The following LTBR variants were observed in gnomAD, a reference collection of about 807,000 sequenced individuals.
LTBR encodes lymphotoxin beta receptor, also known as tumor necrosis factor receptor superfamily member 3.
LTBR carries 15 observed loss-of-function variants against 45.4 expected under a neutral mutation model. That is an observed-to-expected ratio of 0.33 (90% CI 0.22 to 0.51). The LOEUF (loss-of-function observed/expected upper bound fraction) is 0.51, where lower values mean the gene tolerates loss of function less well. Among genes scored for constraint, LTBR ranks in the 20% least tolerant of loss-of-function variants. The pLI is 0.97. For synonymous variants in LTBR, 228 were observed against 231.0 expected (o/e 0.99, Z 0.12); for missense variants, 450 against 565.5 (o/e 0.80, Z 2.07).
upstream of LTBR, among the ~76,000 whole-genome samples, chr12:6,379,815 C>T (rs1948963014): frequency 1.3e-5 from 2 of 152,056 alleles, no homozygotes; most frequent in African/African-American, 4.8e-5. Flanking sequence ...CGCCTGTAGT[C>T]CCAGCTACTC....
intron 1 of LTBR, chr12:6,375,708 C>T: frequency 7.0e-7 from 1 of 1,434,416 alleles, no homozygotes. Context: ...AAGGCGGACT[C>T]TGGGCAGGGG....
intron 2 of LTBR, 48 bp from the exon 3 acceptor site, chr12:6,384,974 G>A: frequency 1.2e-6 from 2 of 1,611,984 alleles, no homozygotes; most frequent in Non-Finnish European, 1.7e-6. Context: ...GCGGAGGTGA[G>A]GGTGGAGCCT....
At chr12:6,382,136 C>T (rs1367100701), upstream of LTBR, among the ~76,000 whole-genome samples, 1 of 152,084 alleles carries the variant, frequency 6.6e-6, no homozygotes, top group Non-Finnish European at 1.5e-5. Flanking sequence ...GAAAGGGTCT[C>T]AGCAGCATAA....
chr12:6,382,108 G>C (rs1948990548), upstream of LTBR, among the ~76,000 whole-genome samples: 1 of 152,092 alleles, frequency 6.6e-6, no homozygotes, highest in African/African-American at 2.4e-5. Flanking sequence ...TGTATTATAT[G>C]TTACACCTCT....
upstream of LTBR, chr12:6,375,393 A>AGGGCTCCAGGAGGTCTGGGC: frequency 6.7e-7 from 1 of 1,489,944 alleles, no homozygotes. Flanking sequence ...CCAGGACTGC[A>AGGGCTCCAGGAGGTCTGGGC]GGGCTCCAGG....
At chr12:6,390,050 G>A in intron 8 of LTBR, 62 bp from the exon 9 acceptor site, 3 of 989,174 alleles carry the variant, frequency 3.0e-6, no homozygotes, top group Non-Finnish European at 4.9e-6. Flanking sequence ...AGGGAGGGAG[G>A]GAGAGAGAAA....
rs1592099993 is a variant in LTBR, at chr12:6,386,740, C to T, written c.667+296C>T. The T allele has an allele frequency of 3.2e-6, 1 of 310,832 alleles. No homozygotes were observed. The highest frequency in any genetic ancestry group is 5.9e-5 in the East Asian group (1 of 16,964). 19.3% of individuals were successfully genotyped at this position (310,832 alleles called of 1,614,324 possible). ...TCATTTTGGGCTTACCAACATTACA[C>T]AATCCGTTTTTTTTTTTCACACAAT... On this transcript the variant is annotated intron_variant, in intron 6 of 9. Coordinates refer to ENST00000228918, the MANE Select transcript of LTBR (RefSeq NM_002342.3). The surrounding 1 kb of genome is among the most constrained non-coding windows in gnomAD (Gnocchi z 4.1).
At chr12:6,375,760 C>G in intron 1 of LTBR, 1 of 1,407,532 alleles carries the variant, frequency 7.1e-7, no homozygotes, top group Non-Finnish European at 9.2e-7. Flanking sequence ...GACAGGATGG[C>G]AGGTGAGGGG....
chr12:6,389,967 A>G, intron 8 of LTBR, 145 bp from the exon 9 acceptor site: 3 of 639,294 alleles, frequency 4.7e-6, no homozygotes, highest in Non-Finnish European at 5.5e-6. Context: ...GAAAGAAAGA[A>G]AGAGAGAGAG....
Position 6,390,222 on chromosome 12 carries a change from A to G in LTBR, c.912A>G (p.Val304=). 6.2e-7 allele frequency: 1 copy of G among 1,613,982 alleles called. No individual in the cohort carries two copies. Among genetic ancestry groups the G allele is most frequent in the Non-Finnish European group, 8.5e-7 (1 of 1,179,924 alleles). The change falls in exon 9 of 10, where the codon GTA becomes GTG. Residue 304 remains valine, a synonymous_variant. Coordinates refer to ENST00000228918, the MANE Select transcript of LTBR (RefSeq NM_002342.3). ...CCATTTCTGGAGATGTTTCCCCAGTATCCACTGGGCTCCCCGCAGCCCCAG... is the reference window on the plus strand; with the variant it reads ...CCATTTCTGGAGATGTTTCCCCAGTGTCCACTGGGCTCCCCGCAGCCCCAG... ...LLPISGDVSP[V]STGLPAAPVL...
At position 6,384,776 on chromosome 12, in the gene LTBR, TC is replaced by T. The variant is rs41518946; in HGVS notation, c.193+97del. The T allele has an allele frequency of 1.3e-3, 1,640 of 1,280,726 alleles. 14 individuals carry two copies. In the African/African-American group the frequency reaches 0.022, roughly 17 times the overall value. 79.3% of individuals were successfully genotyped at this position (1,280,726 alleles called of 1,614,324 possible). A position where few individuals can be genotyped will look rare whatever the true frequency, so the allele number is the denominator to read the frequency against. ...GGCCTCAGAGGGAAGGTGGGCACTG[TC>T]CCCCAGGAAAACTGGCTGCTGGAGA... On this transcript the variant is annotated intron_variant, in intron 2 of 9. Transcript: ENST00000228918.
At chr12:6,390,381 G>A in intron 9 of LTBR, 41 bp downstream of exon 9, 1 of 1,512,550 alleles carries the variant, frequency 6.6e-7, no homozygotes, top group East Asian at 2.4e-5. Flanking sequence ...GATGGGGAGG[G>A]AGGGATGGCT....
upstream of LTBR, chr12:6,384,020 G>C (rs1949009178): frequency 8.6e-7 from 1 of 1,165,880 alleles, no homozygotes; most frequent in East Asian, 3.9e-5. Flanking sequence ...TTCCGGCCCC[G>C]CGGCCCTCAC....
At chr12:6,377,676 G>A in intron 1 of LTBR, 4 of 1,299,680 alleles carry the variant, frequency 3.1e-6, no homozygotes, top group South Asian at 1.2e-5. Flanking sequence ...CATTGGGCAT[G>A]GTCCTCCCTG....
At chr12:6,382,953 G>A (rs192531497), upstream of LTBR, among the ~76,000 whole-genome samples, 109 of 152,330 alleles carry the variant, frequency 7.2e-4, no homozygotes, top group Admixed American at 6.1e-3. Context: ...CTGGCTCTGC[G>A]GTGGACTGGC....
chr12:6,383,983 G>A, upstream of LTBR: 1 of 1,104,166 alleles, frequency 9.1e-7, no homozygotes. Context: ...TCTCCCGATC[G>A]GGCTTCCGAA....
chr12:6,379,544 C>T (rs112562207), upstream of LTBR, among the ~76,000 whole-genome samples: 177 of 152,256 alleles, frequency 1.2e-3, no homozygotes, highest in Non-Finnish European at 1.7e-3. Context: ...TTCAGCTGCC[C>T]TTATGTGGTA....
upstream of LTBR, among the ~76,000 whole-genome samples, chr12:6,381,508 C>T (rs186216035): frequency 2.0e-4 from 31 of 152,310 alleles, no homozygotes; most frequent in East Asian, 3.7e-3. Flanking sequence ...TCTCAGGGCT[C>T]GTTCCTTAGG....
intron 6 of LTBR, chr12:6,387,446 A>G (rs561245623): frequency 1.6e-4 from 25 of 152,540 alleles, no homozygotes; most frequent in African/African-American, 6.0e-4. Context: ...TTTAGAGAGT[A>G]TGTAAGCTAA....
Sources: allele counts gnomAD v4.1 joint callset (sites outside exome capture counted in the v4.1 genomes callset), GRCh38; gene constraint gnomAD v4.1.1; non-coding constraint Gnocchi (gnomAD v3.1); transcripts MANE v1.5; gene names NCBI Gene and HGNC (gene_info 2026-07-23, HGNC 2026-07-21).